ABCB1: variants seen among roughly 807,000 people sequenced by gnomAD.
ABCB1 encodes the protein ATP binding cassette subfamily B member 1, also known as ATP-dependent translocase ABCB1.
A neutral mutation model predicts 142.0 loss-of-function variants in ABCB1; 69 were observed. The ratio of observed to expected loss-of-function variants is 0.49; its 90% CI spans 0.40 to 0.59. The LOEUF is 0.59. Ranked by LOEUF, ABCB1 falls within the 20% of genes least tolerant of loss-of-function variation. ABCB1 has a pLI of 0.00. For missense variants in ABCB1, 1,326 were observed against 1,554.7 expected (o/e 0.85, Z 2.47); for synonymous variants, 532 against 539.2 (o/e 0.99, Z 0.18).
At chr7:87,641,553 G>A (rs535748342) in intron 1 of ABCB1, among the ~76,000 whole-genome samples, 20 of 152,218 alleles carry the variant, frequency 1.3e-4, no homozygotes, top group South Asian at 4.1e-4. Context: ...ATTTGGGGGC[G>A]ACAGTAAACA....
chr7:87,544,465 T>G (rs1403627932), intron 16 of ABCB1, among the ~76,000 whole-genome samples, 190 bp from the exon 17 acceptor site: 1 of 152,222 alleles, frequency 6.6e-6, no homozygotes, highest in Admixed American at 6.5e-5. Context: ...TGACAAATTT[T>G]GCTACAATAC....
At chr7:87,661,141 A>G (rs1424829746) in intron 1 of ABCB1, among the ~76,000 whole-genome samples, 1 of 152,020 alleles carries the variant, frequency 6.6e-6, no homozygotes, top group Non-Finnish European at 1.5e-5. Context: ...TTATGGGTAC[A>G]TAGTAGGTGT....
At chr7:87,520,653 G>T in intron 22 of ABCB1, 123 bp downstream of exon 22, 1 of 826,640 alleles carries the variant, frequency 1.2e-6, no homozygotes. Context: ...GTTTCTCAAT[G>T]GTTTACCTTC....
At chr7:87,613,594 C>T (rs1819934166) in intron 1 of ABCB1, among the ~76,000 whole-genome samples, 1 of 152,052 alleles carries the variant, frequency 6.6e-6, no homozygotes, top group Non-Finnish European at 1.5e-5. Flanking sequence ...AGTGAATTAA[C>T]ACAGAAACAG....
chr7:87,588,237 A>G (rs1365552711), intron 3 of ABCB1, among the ~76,000 whole-genome samples: 1 of 151,788 alleles, frequency 6.6e-6, no homozygotes, highest in African/African-American at 2.4e-5. Flanking sequence ...ACATACGTAA[A>G]CTTGTTTCAT....
chr7:87,525,330 A>G (rs10225473), intron 21 of ABCB1, among the ~76,000 whole-genome samples: 18,920 of 152,172 alleles, frequency 0.12, 1,246 homozygotes, highest in African/African-American at 0.15. Context: ...ACCCTCAAAT[A>G]AACAAGTTTA....
At chr7:87,653,223 A>C (rs1823755586) in intron 1 of ABCB1, among the ~76,000 whole-genome samples, 1 of 152,046 alleles carries the variant, frequency 6.6e-6, no homozygotes, top group South Asian at 2.1e-4. Context: ...TCCTTCAGTA[A>C]TTTTTGAACT....
intron 4 of ABCB1, among the ~76,000 whole-genome samples, chr7:87,577,538 G>A (rs1818320447): frequency 6.6e-6 from 1 of 152,130 alleles, no homozygotes; most frequent in Admixed American, 6.5e-5. Context: ...TGTACAAGTT[G>A]TACAACAGTG....
chr7:87,563,282 A>C, intron 7 of ABCB1: 1 of 343,702 alleles, frequency 2.9e-6, no homozygotes, highest in South Asian at 2.3e-5. Context: ...CAAAAAATTT[A>C]GGTGGAGGGA....
chr7:87,541,238 G>A (rs1046255267), intron 18 of ABCB1, 119 bp downstream of exon 18: 14 of 721,484 alleles, frequency 1.9e-5, no homozygotes, highest in Non-Finnish European at 3.1e-5. Context: ...TTGGCTGTTA[G>A]TAGCCATGTT....
At chr7:87,594,592 C>T (rs1238229115) in intron 3 of ABCB1, among the ~76,000 whole-genome samples, 1 of 152,160 alleles carries the variant, frequency 6.6e-6, no homozygotes, top group Non-Finnish European at 1.5e-5. Context: ...AACCTAAACG[C>T]TTCTTTCCAT....
intron 5 of ABCB1, 115 bp downstream of exon 5, chr7:87,570,057 A>T: frequency 1.1e-6 from 1 of 923,410 alleles, no homozygotes; most frequent in East Asian, 2.5e-5. Flanking sequence ...TCTAAAAACT[A>T]TCAAGAGTAT....
Position 87,553,647 on chromosome 7 carries a change from T to C in ABCB1, c.999+114A>G, listed in dbSNP as rs554755993. 9 of 1,160,740 alleles carry C rather than the reference T, an allele frequency of 7.8e-6. No individual in the cohort carries two copies. In the African/African-American group the frequency reaches 1.1e-4, roughly 14 times the overall value. 71.9% of individuals were successfully genotyped at this position (1,160,740 alleles called of 1,614,324 possible). On this transcript the variant is annotated intron_variant, in intron 9 of 27. Coordinates refer to ENST00000622132, the MANE Select transcript of ABCB1 (RefSeq NM_001348946.2). ...CCACTTTTTAACCTAGTAGTGCATA[T>C]GTCTGTAGTATTCAACAGTTGTTCA...
chr7:87,521,787 T>C, intron 21 of ABCB1: 2 of 797,626 alleles, frequency 2.5e-6, no homozygotes, highest in Non-Finnish European at 2.2e-6. Context: ...AAAAGATATT[T>C]GTTGGTGGCA....
At chr7:87,675,726 C>T (rs562746365) in intron 1 of ABCB1, among the ~76,000 whole-genome samples, 22 of 148,464 alleles carry the variant, frequency 1.5e-4, no homozygotes, top group African/African-American at 5.2e-4. Context: ...AGAAATCGGA[C>T]CTTTCTCTTA....
chr7:87,638,075 T>A (rs560927773), intron 1 of ABCB1, among the ~76,000 whole-genome samples: 19 of 152,264 alleles, frequency 1.2e-4, no homozygotes, highest in African/African-American at 4.6e-4. Flanking sequence ...TTTTTGTCTT[T>A]CAAGTAAACG....
At chr7:87,565,713 G>A (rs1247400383) in intron 7 of ABCB1, among the ~76,000 whole-genome samples, 2 of 151,766 alleles carry the variant, frequency 1.3e-5, no homozygotes, top group African/African-American at 4.8e-5. Context: ...TGTGAATGGG[G>A]CATCATCCAC....
intron 7 of ABCB1, among the ~76,000 whole-genome samples, chr7:87,565,804 T>C (rs904730564): frequency 2.0e-5 from 3 of 152,072 alleles, no homozygotes; most frequent in Admixed American, 2.0e-4. Context: ...CTCGTTTTCT[T>C]ACAAAGGCAG....
At chr7:87,545,713 A>C in intron 15 of ABCB1, 150 bp downstream of exon 15, 3 of 789,864 alleles carry the variant, frequency 3.8e-6, no homozygotes, top group Non-Finnish European at 5.8e-6. Flanking sequence ...AGAGAAAAAA[A>C]ATCTTAAACA....
Sources: gnomAD v4.1 joint callset for allele counts (sites outside exome capture counted in the v4.1 genomes callset) on GRCh38, gnomAD v4.1.1 for gene constraint, MANE v1.5 for transcripts, NCBI Gene and HGNC (gene_info 2026-07-23, HGNC 2026-07-21) for gene names.